GEN1: variants seen among roughly 807,000 people sequenced by gnomAD.
The protein encoded by GEN1 is GEN1 structure-specific endonuclease, also known as flap endonuclease GEN homolog 1.
A neutral mutation model predicts 67.6 loss-of-function variants in GEN1; 64 were observed. The observed-to-expected ratio is 0.95, with a 90% CI of 0.77 to 1.17. The LOEUF (loss-of-function observed/expected upper bound fraction) is 1.17, where lower values mean the gene tolerates loss of function less well. Among genes scored for constraint, GEN1 ranks in the 50% most tolerant of loss-of-function variants. The probability of loss-of-function intolerance (pLI) is 0.00; values close to 1 mark genes in which losing one functional copy is unlikely to be tolerated. For missense variants in GEN1, 1,058 were observed against 1,048.3 expected (o/e 1.01, Z -0.13); for synonymous variants, 371 against 359.4 (o/e 1.03, Z -0.37).
rs1338129301 is a variant in GEN1, at chr2:17,778,289, C to CAT, written c.1264+227_1264+228dup. Among the ~76,000 whole-genome samples, 13 of 90,448 alleles carry CAT rather than the reference C, an allele frequency of 1.4e-4. 2 individuals carry two copies. Among genetic ancestry groups the CAT allele is most frequent in the African/African-American group, 6.5e-4 (11 of 17,002 alleles). The allele number at this position is 90,448 out of a possible 152,430, so 59.3% of individuals were successfully genotyped here. A position where few individuals can be genotyped will look rare whatever the true frequency, so the allele number is the denominator to read the frequency against. On this transcript the variant is annotated intron_variant, in intron 12 of 13. Transcript: ENST00000381254. ...GTGTACATATATGTATATACACACA[C>CAT]ATGTGTGTGTACATATATGTATATA... is the stretch of plus-strand genomic sequence containing the variant.
rs775885155 is a variant in GEN1 at position 17,772,699 on chromosome 2, CATGACT to C, written c.873_878del (p.Asp291_Tyr292del). Reference sequence around the variant, plus strand: ...TAAAAGTGATAAATATTGTGAGCCACATGACTATGAATACTGCTGTCCTTGTGAGTG... The same window carrying C: ...TAAAAGTGATAAATATTGTGAGCCACATGAATACTGCTGTCCTTGTGAGTG... On this transcript the variant is annotated inframe_deletion, in exon 8 of 14. Coordinates refer to ENST00000381254, the MANE Select transcript of GEN1 (RefSeq NM_001130009.3). The C allele has an allele frequency of 1.2e-5, 20 of 1,612,162 alleles. No individual in the cohort carries two copies. Among genetic ancestry groups the C allele is most frequent in the Middle Eastern group, 1.6e-4 (1 of 6,070 alleles).
At chr2:17,777,962 C>G (rs766848771) in intron 11 of GEN1, 40 bp from the exon 12 acceptor site, 1 of 1,133,596 alleles carries the variant, frequency 8.8e-7, no homozygotes, top group African/African-American at 1.5e-5. Context: ...TTCCAAATAT[C>G]TTATGCAATT....
chr2:17,783,072 T>TTTG lies in GEN1; in HGVS notation c.*1135_*1136insGTT, dbSNP rs1672920218. On this transcript the variant is annotated 3_prime_UTR_variant, in exon 14 of 14. Transcript: ENST00000381254. ...GCATTTTGTTTTTGTTTGTTTGTTT[T>TTTG]TTTTTGAGACAGAGTCTCACTCTTG... is the stretch of plus-strand genomic sequence containing the variant. 6.6e-6 allele frequency: 1 copy of TTTG among 152,222 alleles called. No homozygotes were observed. The highest frequency in any genetic ancestry group is 2.4e-5 in the African/African-American group (1 of 41,434). The allele number at this position is 152,222 out of a possible 1,614,324, so 9.4% of individuals were successfully genotyped here. A position where few individuals can be genotyped will look rare whatever the true frequency, so the allele number is the denominator to read the frequency against.
rs1283160943 is a variant in GEN1 at position 17,765,018 on chromosome 2, A to G, written c.470A>G (p.Asp157Gly). The change falls in exon 4 of 14, where the codon GAT becomes GGT. Residue 157 changes from aspartate to glycine, a missense_variant. Coordinates refer to ENST00000381254, the MANE Select transcript of GEN1 (RefSeq NM_001130009.3). ...HVDGCLTNDGDTFLYGAQTVY... is the reference protein window; with the variant it reads ...HVDGCLTNDGGTFLYGAQTVY... ...GATGGCTGCCTCACCAATGATGGAG[A>G]TACTTTCCTTTATGGGGCCCAGACT... 1 of 1,614,098 alleles carries G rather than the reference A, an allele frequency of 6.2e-7. No homozygotes were observed. Among genetic ancestry groups the G allele is most frequent in the Non-Finnish European group, 8.5e-7 (1 of 1,179,992 alleles).
Position 17,774,268 on chromosome 2 carries a change from T to C in GEN1, c.1072-3T>C. ...TCTTGTTTTATTTTTATTATATTTA[T>C]AGAGATTTACTCTTGAAAAAATGGA... On this transcript the variant is annotated splice_region_variant and splice_polypyrimidine_tract_variant and intron_variant, in intron 10 of 13. Coordinates refer to ENST00000381254, the MANE Select transcript of GEN1 (RefSeq NM_001130009.3). 2.0e-6 allele frequency: 3 copies of C among 1,507,058 alleles called. No individual in the cohort carries two copies. The highest frequency in any genetic ancestry group is 2.3e-5 in the East Asian group (1 of 43,510). 93.4% of individuals were successfully genotyped at this position (1,507,058 alleles called of 1,614,324 possible).
At chr2:17,754,885 C>T (rs1671337703) in intron 1 of GEN1, 1 of 152,210 alleles carries the variant, frequency 6.6e-6, no homozygotes, top group Non-Finnish European at 1.5e-5. Flanking sequence ...GGTTTCAGCG[C>T]CCTTCTCAAC....
chr2:17,775,682 C>T (rs1672391805), intron 11 of GEN1, among the ~76,000 whole-genome samples: 1 of 152,068 alleles, frequency 6.6e-6, no homozygotes, highest in African/African-American at 2.4e-5. Context: ...AGATTAATTA[C>T]AAAGGAAAAA....
chr2:17,778,347 CAT>C lies in GEN1; in HGVS notation c.1264+285_1264+286del, dbSNP rs1491347648. On this transcript the variant is annotated intron_variant, in intron 12 of 13. Coordinates refer to ENST00000381254, the MANE Select transcript of GEN1 (RefSeq NM_001130009.3). ...ACGTGTACATATATGTATACACACA[CAT>C]GTGTGTACATATATGTATATACACA... 3.1e-4 allele frequency among the ~76,000 whole-genome samples: 11 copies of C among 35,150 alleles called. 4 individuals are homozygous for C. The highest frequency in any genetic ancestry group is 7.5e-4 in the African/African-American group (10 of 13,314). The allele number at this position is 35,150 out of a possible 152,430, so 23.1% of individuals were successfully genotyped here.
In GEN1 at chr2:17,764,926, C is replaced by A. The variant is rs751601024; in HGVS notation, c.378C>A (p.Ile126=). Residue 126 remains isoleucine, a synonymous_variant, in exon 4 of 14, where the codon ATC becomes ATA. Coordinates refer to ENST00000381254, the MANE Select transcript of GEN1 (RefSeq NM_001130009.3). The part of the protein sequence containing the change: ...ECLHMLECLG[I]PWVQAAGEAE... Reference sequence around the variant, plus strand: ...TCCATATGCTCGAATGCTTAGGAATCCCCTGGGTTCAGGCTGCTGGGGAAG... The same window carrying A: ...TCCATATGCTCGAATGCTTAGGAATACCCTGGGTTCAGGCTGCTGGGGAAG... 7 of 1,613,846 alleles carry A rather than the reference C, an allele frequency of 4.3e-6. No individual in the cohort carries two copies. The African/African-American group carries it at 9.3e-5, about 22-fold the overall frequency.
At chr2:17,779,317 T>C (rs781238107) in intron 12 of GEN1, among the ~76,000 whole-genome samples, 18 of 152,354 alleles carry the variant, frequency 1.2e-4, no homozygotes, top group Non-Finnish European at 2.5e-4. Context: ...GGAAACTGTT[T>C]CATTTCTTAC....
Position 17,758,042 on chromosome 2 carries a change from A to G in GEN1, c.-15-1887A>G, listed in dbSNP as rs567185912. Among the ~76,000 whole-genome samples, 25 of 152,298 alleles carry G rather than the reference A, an allele frequency of 1.6e-4. No individual in the cohort carries two copies. The South Asian group carries it at 4.8e-3, about 29-fold the overall frequency. On this transcript the variant is annotated intron_variant, in intron 1 of 13. Transcript: ENST00000381254. ...TTTTTTTATTAGTACATGTATTTCT[A>G]TCCTACTGATTTATTTGCTATATCA...
chr2:17,764,399 G>T (rs562704777), intron 3 of GEN1, among the ~76,000 whole-genome samples: 1 of 152,250 alleles, frequency 6.6e-6, no homozygotes, highest in African/African-American at 2.4e-5. Context: ...ATTATTTAAA[G>T]ATATTTTCAG....
intron 1 of GEN1, among the ~76,000 whole-genome samples, chr2:17,756,353 C>T (rs1671434759): frequency 6.6e-6 from 1 of 152,142 alleles, no homozygotes; most frequent in African/African-American, 2.4e-5. Context: ...ATCATTGATT[C>T]ATGTAAGTAG....
intron 3 of GEN1, among the ~76,000 whole-genome samples, chr2:17,763,927 G>A (rs750847753): frequency 1.3e-5 from 2 of 152,108 alleles, no homozygotes; most frequent in African/African-American, 2.4e-5. Context: ...GCAAGAAATG[G>A]TATTTATTCT....
chr2:17,755,932 A>C (rs1671414700), intron 1 of GEN1, among the ~76,000 whole-genome samples: 1 of 152,236 alleles, frequency 6.6e-6, no homozygotes, highest in African/African-American at 2.4e-5. Context: ...GTTACATCAA[A>C]GGACTTGTTT....
rs189766183 is a variant in GEN1 at position 17,771,204 on chromosome 2, G to A, written c.719G>A (p.Arg240Gln). ...KGQSLLQRFNRWNETSCNSSP... is the reference protein window; with the variant it reads ...KGQSLLQRFNQWNETSCNSSP... ...ACCACTTTCTATTAAAGGTTTAATC[G>A]GTGGAATGAAACATCTTGTAACTCT... The change falls in exon 7 of 14, where the codon CGG (arginine) becomes CAG (glutamine). Residue 240 changes from arginine to glutamine, a missense_variant. By Grantham distance (43) the Arg-to-Gln change is conservative. Transcript: ENST00000381254. The A allele has an allele frequency of 1.3e-4, 205 of 1,604,682 alleles. No homozygotes were observed. Among genetic ancestry groups the A allele is most frequent in the African/African-American group, 1.7e-4 (13 of 74,704 alleles).
Position 17,779,998 on chromosome 2 carries a change from A to G in GEN1, c.1285A>G (p.Lys429Glu). Residue 429 changes from lysine (K) to glutamate (E), a missense_variant, in exon 13 of 14, where the codon AAA becomes GAA. By Grantham distance (56) the Lys-to-Glu change is moderately conservative (BLOSUM62 1). Transcript: ENST00000381254. ...EKPEHYAMED[K>E]QHGEFALLTI... The stretch of plus-strand genomic sequence containing the variant: ...TTTAGAACATTATGCTATGGAAGAT[A>G]AACAACATGGAGAATTTGCTTTATT... The G allele has an allele frequency of 6.2e-7, 1 of 1,601,804 alleles. No individual in the cohort carries two copies. The highest frequency in any genetic ancestry group is 8.6e-7 in the Non-Finnish European group (1 of 1,169,166).
chr2:17,768,757 A>G lies in GEN1; in HGVS notation c.656A>G (p.Lys219Arg), dbSNP rs755646455. 6.2e-7 allele frequency: 1 copy of G among 1,611,460 alleles called. No homozygotes were observed. The highest frequency in any genetic ancestry group is 2.2e-5 in the East Asian group (1 of 44,728). Residue 219 changes from lysine to arginine, a missense_variant, in exon 6 of 14, where the codon AAA becomes AGA. By Grantham distance (26) the Lys-to-Arg change is conservative (BLOSUM62 2). Transcript: ENST00000381254. ...TGAAAGGGAGTCCCTGGAGTTGGAAAAGAGCAAGCATTAAAACTTATACAG... is the reference window on the plus strand; with the variant it reads ...TGAAAGGGAGTCCCTGGAGTTGGAAGAGAGCAAGCATTAAAACTTATACAG... ...YLPKGVPGVG[K>R]EQALKLIQIL...
At chr2:17,753,479 C>A, upstream of GEN1, 1 of 144,194 alleles carries the variant, frequency 6.9e-6, no homozygotes, top group Non-Finnish European at 1.5e-5. Flanking sequence ...CATCTCCCGC[C>A]CGGGCCCGCA....
Sources: gnomAD v4.1 joint callset for allele counts (sites outside exome capture counted in the v4.1 genomes callset) on GRCh38, gnomAD v4.1.1 for gene constraint, MANE v1.5 for transcripts, NCBI Gene and HGNC (gene_info 2026-07-23, HGNC 2026-07-21) for gene names.